Variants in SMYD3 observed in about 807,000 individuals in gnomAD.
SMYD3 encodes SET and MYND domain containing 3.
Under a neutral mutation model 57.7 loss-of-function variants are expected in SMYD3, and 36 were observed. That is an observed-to-expected ratio of 0.62 (90% CI 0.48 to 0.82). The LOEUF (loss-of-function observed/expected upper bound fraction) is 0.82. Among genes scored for constraint, SMYD3 ranks in the 40% least tolerant of loss-of-function variants. SMYD3 has a pLI of 0.00. For missense variants in SMYD3, 515 were observed against 538.8 expected, an observed-to-expected ratio of 0.96 and a Z score of 0.44; for synonymous variants, 211 against 195.0, an observed-to-expected ratio of 1.08 and a Z score of -0.68.
intron 5 of SMYD3, among the ~76,000 whole-genome samples, chr1:245,961,661 T>C (rs936932500): frequency 6.6e-6 from 1 of 152,104 alleles, no homozygotes; most frequent in Non-Finnish European, 1.5e-5. Flanking sequence ...ATCCTAGATG[T>C]TAAGATGTGT....
chr1:246,351,753 A>T (rs2065828129), intron 2 of SMYD3, among the ~76,000 whole-genome samples: 1 of 152,220 alleles, frequency 6.6e-6, no homozygotes, highest in Non-Finnish European at 1.5e-5. Flanking sequence ...GGGGGAAGGA[A>T]GCTGGGGAAA....
intron 5 of SMYD3, among the ~76,000 whole-genome samples, chr1:245,972,023 G>T (rs925999501): frequency 6.6e-6 from 1 of 152,074 alleles, no homozygotes; most frequent in African/African-American, 2.4e-5. Context: ...GCCATGTCTC[G>T]GGCACCACTG....
chr1:246,421,995 CGG>C (rs1274529673), intron 1 of SMYD3, among the ~76,000 whole-genome samples: 3 of 152,148 alleles, frequency 2.0e-5, no homozygotes, highest in Non-Finnish European at 4.4e-5. Flanking sequence ...CATCTCTTCC[CGG>C]ACCACTCTCA....
At chr1:246,481,816 C>T (rs1178537495) in intron 1 of SMYD3, among the ~76,000 whole-genome samples, 1 of 150,068 alleles carries the variant, frequency 6.7e-6, no homozygotes, top group African/African-American at 2.5e-5. Flanking sequence ...TCGATCAATA[C>T]TCTACTGGTT....
chr1:245,977,661 G>A (rs567017708), intron 5 of SMYD3, among the ~76,000 whole-genome samples: 21 of 152,264 alleles, frequency 1.4e-4, no homozygotes, highest in African/African-American at 2.9e-4. Context: ...CCTGGGTGAC[G>A]GAGTGAGACT....
intron 5 of SMYD3, among the ~76,000 whole-genome samples, chr1:246,095,577 T>G (rs2060900136): frequency 6.6e-6 from 1 of 152,072 alleles, no homozygotes; most frequent in South Asian, 2.1e-4. Flanking sequence ...AGTTAACCAG[T>G]AAAAGACACA....
chr1:245,871,020 C>A (rs1254847834), intron 8 of SMYD3, among the ~76,000 whole-genome samples: 1 of 152,072 alleles, frequency 6.6e-6, no homozygotes, highest in Non-Finnish European at 1.5e-5. Context: ...AGTACTCATG[C>A]AAACTCTAAT....
At chr1:246,485,063 C>T (rs2068165015) in intron 1 of SMYD3, among the ~76,000 whole-genome samples, 1 of 125,542 alleles carries the variant, frequency 8.0e-6, no homozygotes, top group African/African-American at 3.1e-5. Flanking sequence ...ACCTAAACTA[C>T]TGCACTAGTT....
intron 5 of SMYD3, among the ~76,000 whole-genome samples, chr1:245,992,984 G>A (rs796601653): frequency 6.8e-6 from 1 of 147,242 alleles, no homozygotes; most frequent in South Asian, 2.2e-4. Flanking sequence ...GCCTGGAGTG[G>A]TCATGGATCA....
intron 10 of SMYD3, among the ~76,000 whole-genome samples, chr1:245,842,486 C>A (rs957612428): frequency 6.6e-6 from 1 of 152,130 alleles, no homozygotes; most frequent in African/African-American, 2.4e-5. Context: ...AGAACACACT[C>A]TGGAAACCAC....
At position 245,749,579 on chromosome 1, in the gene SMYD3, T is replaced by A. The variant is rs146375964; in HGVS notation, c.1271A>T (p.Asn424Ile). 1 of 1,614,102 alleles carries A rather than the reference T, an allele frequency of 6.2e-7. No homozygotes were observed. Among genetic ancestry groups the A allele is most frequent in the Admixed American group, 1.7e-5 (1 of 60,028 alleles). The change falls in exon 12 of 12, where the codon AAC becomes ATC. Residue 424 changes from asparagine (N) to isoleucine (I), a missense_variant. Transcript: ENST00000490107. ...LILLLEECDA[N>I]IRAS Reference sequence around the variant, plus strand: ...TGCGTTCCCTTAGGATGCTCTGATGTTGGCGTCGCATTCTTCTAAAAGTAG... The same window carrying A: ...TGCGTTCCCTTAGGATGCTCTGATGATGGCGTCGCATTCTTCTAAAAGTAG...
chr1:246,028,236 A>G (rs561983768), intron 5 of SMYD3, among the ~76,000 whole-genome samples: 1 of 152,306 alleles, frequency 6.6e-6, no homozygotes, highest in South Asian at 2.1e-4. Context: ...TGGAAGTCCT[A>G]GTCAGAGCAA....
intron 5 of SMYD3, among the ~76,000 whole-genome samples, chr1:246,281,098 C>G (rs939851626): frequency 2.6e-5 from 4 of 152,332 alleles, no homozygotes; most frequent in Non-Finnish European, 5.9e-5. Flanking sequence ...AATCACAGCA[C>G]CTGCCCTCCA....
intron 1 of SMYD3, among the ~76,000 whole-genome samples, chr1:246,452,509 C>T (rs573021530): frequency 9.9e-5 from 15 of 151,428 alleles, no homozygotes; most frequent in African/African-American, 1.2e-4. Flanking sequence ...AAAAAAGAAA[C>T]GGAAAAAAAA....
chr1:245,921,503 T>C (rs1035074803), intron 7 of SMYD3, among the ~76,000 whole-genome samples: 3 of 149,192 alleles, frequency 2.0e-5, no homozygotes, highest in Admixed American at 6.7e-5. Flanking sequence ...AGCAAAGAAA[T>C]AGAATCAACC....
At chr1:245,984,246 C>G (rs541703834) in intron 5 of SMYD3, among the ~76,000 whole-genome samples, 1 of 152,292 alleles carries the variant, frequency 6.6e-6, no homozygotes, top group South Asian at 2.1e-4. Context: ...ATCCGTCCCG[C>G]CTTGGCCTGC....
At chr1:245,805,179 A>G (rs2048093923) in intron 10 of SMYD3, among the ~76,000 whole-genome samples, 1 of 152,022 alleles carries the variant, frequency 6.6e-6, no homozygotes, top group African/African-American at 2.4e-5. Context: ...AAAGTTTACC[A>G]CATGTGTAGA....
intron 10 of SMYD3, among the ~76,000 whole-genome samples, chr1:245,835,401 A>T (rs942205621): frequency 1.3e-5 from 2 of 152,096 alleles, no homozygotes; most frequent in Non-Finnish European, 2.9e-5. Context: ...TACAGGCGTG[A>T]GCCACCGTGC....
chr1:246,290,150 G>C (rs1291785594), intron 5 of SMYD3, among the ~76,000 whole-genome samples: 1 of 152,160 alleles, frequency 6.6e-6, no homozygotes, highest in Non-Finnish European at 1.5e-5. Flanking sequence ...GAGGAAATTG[G>C]ACTGGGGAAG....
Sources: allele counts gnomAD v4.1 joint callset (sites outside exome capture counted in the v4.1 genomes callset), GRCh38; gene constraint gnomAD v4.1.1; transcripts MANE v1.5; gene names NCBI Gene and HGNC (gene_info 2026-07-23, HGNC 2026-07-21).